AKAP6: variants seen among roughly 807,000 people sequenced by gnomAD.
The protein encoded by AKAP6 is A-kinase anchor protein 6.
Under a neutral mutation model 188.5 loss-of-function variants are expected in AKAP6, and 58 were observed. The ratio of observed to expected loss-of-function variants is 0.31; its 90% CI spans 0.25 to 0.38. The LOEUF is 0.38. Among genes scored for constraint, AKAP6 ranks in the 10% least tolerant of loss-of-function variants. AKAP6 has a pLI of 1.00. For missense variants in AKAP6, 2,710 were observed against 2,740.0 expected (o/e 0.99, Z 0.24); for synonymous variants, 989 against 998.6 (o/e 0.99, Z 0.18).
intron 2 of AKAP6, chr14:32,438,685 T>A (rs1439251928): frequency 6.6e-6 from 1 of 152,214 alleles, no homozygotes; most frequent in East Asian, 1.9e-4. Context: ...TTCCAGATAT[T>A]CTTCAGTAAG....
At chr14:32,504,899 A>C (rs573265730) in intron 2 of AKAP6, among the ~76,000 whole-genome samples, 39 of 152,326 alleles carry the variant, frequency 2.6e-4, no homozygotes, top group African/African-American at 8.9e-4. Flanking sequence ...GAGTGGCTCC[A>C]TCTGGGATAT....
chr14:32,731,530 C>T (rs1325632137), intron 9 of AKAP6, among the ~76,000 whole-genome samples: 7 of 151,884 alleles, frequency 4.6e-5, no homozygotes, highest in African/African-American at 1.7e-4. Context: ...AATTTGGTGC[C>T]TGGAAGAAAA....
At chr14:32,826,691 T>C (rs1348670299) in intron 13 of AKAP6, among the ~76,000 whole-genome samples, 3 of 152,278 alleles carry the variant, frequency 2.0e-5, no homozygotes, top group South Asian at 2.1e-4. Context: ...CTCTCTTACA[T>C]AGACGTAGAA....
chr14:32,450,400 T>G (rs928304071), intron 2 of AKAP6, among the ~76,000 whole-genome samples: 1 of 151,978 alleles, frequency 6.6e-6, no homozygotes, highest in African/African-American at 2.4e-5. Flanking sequence ...CAAAATACAC[T>G]CTTCTATAAT....
intron 4 of AKAP6, among the ~76,000 whole-genome samples, chr14:32,561,673 T>A (rs1028698904): frequency 6.6e-6 from 1 of 152,188 alleles, no homozygotes; most frequent in Non-Finnish European, 1.5e-5. Flanking sequence ...CACTGTAATA[T>A]GACAAGAGCC....
At chr14:32,694,680 T>C (rs1304500094) in intron 8 of AKAP6, among the ~76,000 whole-genome samples, 2 of 152,184 alleles carry the variant, frequency 1.3e-5, no homozygotes, top group Non-Finnish European at 2.9e-5. Context: ...TTTATAGTTA[T>C]GATAAAGTAA....
At chr14:32,723,557 T>TGTGTG (rs35237019) in intron 9 of AKAP6, among the ~76,000 whole-genome samples, 14,343 of 141,000 alleles carry the variant, frequency 0.1, 855 homozygotes, top group Non-Finnish European at 0.14. Flanking sequence ...GCGTATGTGT[T>TGTGTG]TATGTGTGTG....
At chr14:32,793,494 C>T (rs2033671733) in intron 12 of AKAP6, among the ~76,000 whole-genome samples, 1 of 152,010 alleles carries the variant, frequency 6.6e-6, no homozygotes, top group African/African-American at 2.4e-5. Context: ...AATATATATG[C>T]ACCCAATACA....
At chr14:32,368,538 A>C (rs1425621794) in intron 1 of AKAP6, among the ~76,000 whole-genome samples, 1 of 151,990 alleles carries the variant, frequency 6.6e-6, no homozygotes, top group South Asian at 2.1e-4. Flanking sequence ...ACTTTAAAGG[A>C]ATTAGGCAGG....
intron 4 of AKAP6, among the ~76,000 whole-genome samples, chr14:32,552,137 G>C (rs1435356265): frequency 6.6e-6 from 1 of 152,174 alleles, no homozygotes; most frequent in Non-Finnish European, 1.5e-5. Flanking sequence ...GCTCGATAAA[G>C]ACTACTGAAT....
At chr14:32,366,827 T>A (rs1365951319) in intron 1 of AKAP6, among the ~76,000 whole-genome samples, 1 of 152,094 alleles carries the variant, frequency 6.6e-6, no homozygotes. Flanking sequence ...AAAATTGAGG[T>A]GTTCAAATCT....
intron 1 of AKAP6, among the ~76,000 whole-genome samples, chr14:32,346,075 C>T (rs1024306903): frequency 6.6e-6 from 1 of 152,144 alleles, no homozygotes; most frequent in Non-Finnish European, 1.5e-5. Flanking sequence ...AAAGGTTTGC[C>T]TTGCATCCCC....
intron 2 of AKAP6, among the ~76,000 whole-genome samples, chr14:32,499,328 CA>C (rs71432061): frequency 0.13 from 14,047 of 111,034 alleles, 1,477 homozygotes; most frequent in African/African-American, 0.34. Context: ...AGTGTAACAG[CA>C]AAAAAAAAAA....
intron 4 of AKAP6, among the ~76,000 whole-genome samples, chr14:32,553,707 T>TG (rs1249650505): frequency 6.6e-6 from 1 of 152,224 alleles, no homozygotes; most frequent in East Asian, 1.9e-4. Context: ...TTTTTAAAAC[T>TG]GGGGAATCAG....
rs1346910645 is a variant in AKAP6, at chr14:32,568,857, G to C, written c.2347-8263G>C. On this transcript the variant is annotated intron_variant, in intron 4 of 13. Transcript: ENST00000280979. This position sits in a 1 kb window ranked among gnomAD's most constrained non-coding sequence, Gnocchi z 6.2. ...TAATGTTAACCTATTGTTTGTTCCA[G>C]TTTATTCCCATTTTTTTATTTGTAC... Among the ~76,000 whole-genome samples, 2 of 152,140 alleles carry C rather than the reference G, an allele frequency of 1.3e-5. No homozygotes were observed. The highest frequency in any genetic ancestry group is 4.8e-5 in the African/African-American group (2 of 41,438).
At chr14:32,482,388 T>C (rs1879398968) in intron 2 of AKAP6, among the ~76,000 whole-genome samples, 1 of 152,202 alleles carries the variant, frequency 6.6e-6, no homozygotes, top group African/African-American at 2.4e-5. Flanking sequence ...GCACTTGCTC[T>C]TCTGACTTCC....
intron 7 of AKAP6, among the ~76,000 whole-genome samples, chr14:32,652,761 G>T (rs1888283799): frequency 6.6e-6 from 1 of 152,136 alleles, no homozygotes; most frequent in African/African-American, 2.4e-5. Context: ...TCTCTAAAAT[G>T]TCCATCATTA....
chr14:32,749,474 C>T (rs559870439), intron 11 of AKAP6, among the ~76,000 whole-genome samples: 6 of 152,278 alleles, frequency 3.9e-5, no homozygotes, highest in South Asian at 2.1e-4. Flanking sequence ...CTTTAGCACA[C>T]GGTAGCAGTC....
chr14:32,331,765 C>A (rs905624123), intron 1 of AKAP6, among the ~76,000 whole-genome samples: 2 of 151,998 alleles, frequency 1.3e-5, no homozygotes, highest in African/African-American at 4.8e-5. Flanking sequence ...CTGAAACTTT[C>A]TACAGTTTAA....
Sources: gnomAD v4.1 joint callset for allele counts (sites outside exome capture counted in the v4.1 genomes callset) on GRCh38, gnomAD v4.1.1 for gene constraint, Gnocchi (gnomAD v3.1) non-coding constraint, MANE v1.5 for transcripts, NCBI Gene and HGNC (gene_info 2026-07-23, HGNC 2026-07-21) for gene names.